RARB: variants seen among roughly 807,000 people sequenced by gnomAD.
RARB encodes HBV-activated protein.
Under a neutral mutation model 51.9 loss-of-function variants are expected in RARB, and 17 were observed. The ratio of observed to expected loss-of-function variants is 0.33; its 90% CI spans 0.22 to 0.49. The LOEUF is 0.49. RARB is among the 20% of genes least tolerant of loss of function. The pLI is 0.99. For synonymous variants in RARB, 215 were observed against 195.4 expected, an observed-to-expected ratio of 1.10 and a Z score of -0.84; for missense variants, 369 against 550.8, an observed-to-expected ratio of 0.67 and a Z score of 3.30.
chr3:25,565,826 A>G (rs772569684), intron 3 of RARB, among the ~76,000 whole-genome samples: 6 of 151,568 alleles, frequency 4.0e-5, no homozygotes, highest in Middle Eastern at 3.2e-3. Flanking sequence ...CTTCCCACCA[A>G]GCCCACCATC....
At chr3:25,105,465 C>T (rs1028655667) in intron 3 of RARB, among the ~76,000 whole-genome samples, 1 of 149,638 alleles carries the variant, frequency 6.7e-6, no homozygotes, top group African/African-American at 2.5e-5. Flanking sequence ...CCATAAAGGG[C>T]ATCAGTCATA....
intron 2 of RARB, among the ~76,000 whole-genome samples, chr3:24,989,500 ATATTG>A (rs1696865828): frequency 1.6e-5 from 1 of 61,746 alleles, no homozygotes. Context: ...CAAATGCTTG[ATATTG>A]CAAGGTATTT....
chr3:24,863,342 C>A (rs959392883), intron 2 of RARB, among the ~76,000 whole-genome samples: 1 of 152,162 alleles, frequency 6.6e-6, no homozygotes, highest in Admixed American at 6.5e-5. Flanking sequence ...TTGGTGATGA[C>A]AATTCCCTGT....
At chr3:24,845,723 C>G (rs116524766) in intron 1 of RARB, among the ~76,000 whole-genome samples, 12 of 152,018 alleles carry the variant, frequency 7.9e-5, no homozygotes, top group Non-Finnish European at 8.8e-5. Flanking sequence ...TTCCCTCCCC[C>G]ACTTGAGAGT....
intron 3 of RARB, among the ~76,000 whole-genome samples, chr3:25,537,685 A>G (rs1699198391): frequency 6.6e-6 from 1 of 152,166 alleles, no homozygotes; most frequent in Non-Finnish European, 1.5e-5. Context: ...CCAACTCTGA[A>G]TCATGATGCC....
intron 3 of RARB, among the ~76,000 whole-genome samples, chr3:25,089,504 T>A (rs1296157930): frequency 6.6e-6 from 1 of 151,954 alleles, no homozygotes; most frequent in Admixed American, 6.6e-5. Context: ...AGTCCCAAAT[T>A]ATGAAAAGAG....
rs754495939 is a variant in RARB, at chr3:25,461,195, A to G, written c.160A>G (p.Ile54Val). 5 of 1,607,810 alleles carry G rather than the reference A, an allele frequency of 3.1e-6. No homozygotes were observed. The highest frequency in any genetic ancestry group is 3.4e-6 in the Non-Finnish European group (4 of 1,177,682). Residue 54 changes from isoleucine to valine, a missense_variant and splice_region_variant, in exon 2 of 8, where the codon ATT becomes GTT. Transcript: ENST00000330688. ...EWQHRHTAQSIETQSTSSEEL... is the reference protein window; with the variant it reads ...EWQHRHTAQSVETQSTSSEEL... ...CCTCTACCCCATCTCTATTATAGCA[A>G]TTGAAACACAGAGCACCAGCTCTGA...
chr3:25,253,406 C>A (rs1358629686), intron 5 of RARB, among the ~76,000 whole-genome samples: 1 of 152,136 alleles, frequency 6.6e-6, no homozygotes, highest in Non-Finnish European at 1.5e-5. Flanking sequence ...TACATAGAGA[C>A]TCTATGGTGT....
chr3:25,152,692 T>G (rs1032497194), intron 4 of RARB, among the ~76,000 whole-genome samples: 2 of 152,230 alleles, frequency 1.3e-5, no homozygotes, highest in African/African-American at 4.8e-5. Context: ...TTTAATATTT[T>G]TAAAGGCTCT....
At chr3:25,101,066 A>T (rs1699391314) in intron 3 of RARB, among the ~76,000 whole-genome samples, 1 of 152,182 alleles carries the variant, frequency 6.6e-6, no homozygotes, top group Non-Finnish European at 1.5e-5. Flanking sequence ...ATTTGGTGGA[A>T]CATCACCTCT....
intron 5 of RARB, among the ~76,000 whole-genome samples, chr3:25,300,558 G>A (rs1286722904): frequency 6.6e-6 from 1 of 152,214 alleles, no homozygotes; most frequent in Non-Finnish European, 1.5e-5. Context: ...AGTTTTCTGA[G>A]AAGAACAGAA....
intron 2 of RARB, among the ~76,000 whole-genome samples, chr3:25,035,899 A>C (rs1241275559): frequency 6.6e-6 from 1 of 152,128 alleles, no homozygotes; most frequent in Admixed American, 6.5e-5. Context: ...GCCACAACTG[A>C]GGTGGTTATA....
At chr3:25,200,397 G>A (rs1279181249) in intron 5 of RARB, among the ~76,000 whole-genome samples, 1 of 151,884 alleles carries the variant, frequency 6.6e-6, no homozygotes, top group Admixed American at 6.6e-5. Context: ...TAGGTTGCCT[G>A]TTCACTCTGA....
intron 3 of RARB, among the ~76,000 whole-genome samples, chr3:25,563,159 G>T (rs1700344035): frequency 6.6e-6 from 1 of 152,170 alleles, no homozygotes; most frequent in Non-Finnish European, 1.5e-5. Flanking sequence ...AGACTTCGAG[G>T]TTGTAGGGGC....
chr3:25,386,154 C>T (rs1187806041), intron 5 of RARB, among the ~76,000 whole-genome samples: 1 of 152,078 alleles, frequency 6.6e-6, no homozygotes, highest in Non-Finnish European at 1.5e-5. Context: ...GCTGTGGAAC[C>T]ACAGAAAGAG....
intron 2 of RARB, among the ~76,000 whole-genome samples, chr3:24,884,927 C>T (rs949492996): frequency 6.6e-6 from 1 of 152,106 alleles, no homozygotes; most frequent in Admixed American, 6.6e-5. Flanking sequence ...TGGGGCCATA[C>T]TTCTTTTCCC....
chr3:25,018,371 CAG>C (rs1697559999), intron 2 of RARB, among the ~76,000 whole-genome samples: 2 of 152,070 alleles, frequency 1.3e-5, no homozygotes, highest in African/African-American at 4.8e-5. Flanking sequence ...ACTGGAATTC[CAG>C]TTGTTGACCT....
intron 2 of RARB, among the ~76,000 whole-genome samples, chr3:24,968,074 C>A (rs1450291632): frequency 6.6e-6 from 1 of 152,058 alleles, no homozygotes; most frequent in African/African-American, 2.4e-5. Context: ...CCTAGCGCAT[C>A]CAAAGGAAGA....
chr3:25,039,308 A>C (rs563143016), intron 2 of RARB, among the ~76,000 whole-genome samples: 2 of 152,348 alleles, frequency 1.3e-5, no homozygotes, highest in East Asian at 1.9e-4. Context: ...ACCTCAGTGG[A>C]AAATAAGCTA....
Sources: gnomAD v4.1 joint callset for allele counts (sites outside exome capture counted in the v4.1 genomes callset) on GRCh38, gnomAD v4.1.1 for gene constraint, MANE v1.5 for transcripts, NCBI Gene and HGNC (gene_info 2026-07-23, HGNC 2026-07-21) for gene names.